Variants in AK9 observed in about 807,000 individuals in gnomAD.
The protein encoded by AK9 is adenylate kinase domain containing 1.
Under a neutral mutation model 239.6 loss-of-function variants are expected in AK9, and 191 were observed. That is an observed-to-expected ratio of 0.80 (90% CI 0.71 to 0.90). AK9 has a LOEUF of 0.90. Among genes scored for constraint, AK9 ranks in the 40% least tolerant of loss-of-function variants. The pLI is 0.00. For synonymous variants in AK9, 689 were observed against 721.0 expected, an observed-to-expected ratio of 0.96 and a Z score of 0.71; for missense variants, 1,995 against 2,214.7, an observed-to-expected ratio of 0.90 and a Z score of 1.99.
intron 6 of AK9, chr6:109,660,962 T>C (rs534260419): frequency 3.9e-6 from 2 of 507,706 alleles, no homozygotes; most frequent in African/African-American, 1.9e-5. Flanking sequence ...TAGAACATGA[T>C]GAAAGCCATA....
intron 17 of AK9, among the ~76,000 whole-genome samples, chr6:109,597,182 T>C (rs1198669714): frequency 1.3e-5 from 2 of 152,204 alleles, no homozygotes; most frequent in South Asian, 2.1e-4. Flanking sequence ...GTAAACATTT[T>C]AAAGTCTTTT....
chr6:109,528,234 C>T, intron 29 of AK9: 1 of 333,816 alleles, frequency 3.0e-6, no homozygotes, highest in Non-Finnish European at 5.9e-6. Context: ...GTTAACTGTA[C>T]TTAATTCCAG....
intron 24 of AK9, among the ~76,000 whole-genome samples, chr6:109,552,470 T>G (rs1784485636): frequency 1.3e-5 from 2 of 152,250 alleles, no homozygotes; most frequent in Admixed American, 6.5e-5. Flanking sequence ...TGTTGAGCTT[T>G]TTTCATGTTT....
chr6:109,683,911 G>T (rs1470506066), intron 1 of AK9, among the ~76,000 whole-genome samples: 2 of 152,078 alleles, frequency 1.3e-5, no homozygotes, highest in African/African-American at 4.8e-5. Context: ...TAAACTTCAT[G>T]TGGAACCAAA....
In AK9 at chr6:109,534,080, T is replaced by C. The variant is rs9487137; in HGVS notation, c.3351-610A>G. Among the ~76,000 whole-genome samples the C allele has an allele frequency of 5.6e-3, 856 of 152,170 alleles. 9 individuals are homozygous for C. Among genetic ancestry groups the C allele is most frequent in the African/African-American group, 0.02 (826 of 41,534 alleles). On this transcript the variant is annotated intron_variant, in intron 27 of 40. Coordinates refer to ENST00000424296, the MANE Select transcript of AK9 (RefSeq NM_001145128.3). ...CCTTGTAACTGATGACAATTGTTAATGTATGTATCCTGGTTCCTATGGGCA... is the reference window on the plus strand; with the variant it reads ...CCTTGTAACTGATGACAATTGTTAACGTATGTATCCTGGTTCCTATGGGCA...
chr6:109,613,909 T>G (rs1287754604), intron 15 of AK9, among the ~76,000 whole-genome samples: 1 of 152,118 alleles, frequency 6.6e-6, no homozygotes, highest in Non-Finnish European at 1.5e-5. Context: ...ATTTATGATA[T>G]GATAATGATT....
At chr6:109,605,450 A>AT (rs1792716293) in intron 17 of AK9, among the ~76,000 whole-genome samples, 1 of 151,668 alleles carries the variant, frequency 6.6e-6, no homozygotes, top group South Asian at 2.1e-4. Context: ...TTTTTTTTTC[A>AT]TCCCCACTCT....
At chr6:109,641,026 T>C (rs2128286439) in intron 10 of AK9, among the ~76,000 whole-genome samples, 1 of 151,986 alleles carries the variant, frequency 6.6e-6, no homozygotes, top group Non-Finnish European at 1.5e-5. Flanking sequence ...AAAACTTGTG[T>C]TGTGTCTAAT....
intron 1 of AK9, among the ~76,000 whole-genome samples, chr6:109,684,912 A>AAAAAAAT (rs1183838812): frequency 1.5e-5 from 2 of 136,498 alleles, no homozygotes; most frequent in Non-Finnish European, 3.2e-5. Flanking sequence ...AAAAAAAAAA[A>AAAAAAAT]GTAGGCAAAG....
intron 35 of AK9, among the ~76,000 whole-genome samples, chr6:109,502,381 C>T (rs1001450132): frequency 1.2e-4 from 19 of 152,254 alleles, no homozygotes; most frequent in African/African-American, 4.3e-4. Context: ...AAGACACACA[C>T]ATGGAGAACG....
chr6:109,572,631 A>T, intron 21 of AK9, among the ~76,000 whole-genome samples: 1 of 152,194 alleles, frequency 6.6e-6, no homozygotes, highest in East Asian at 1.9e-4. Context: ...TGAGCTGTGA[A>T]ATATGAATTG....
At chr6:109,592,095 T>C (rs879343740) in intron 17 of AK9, among the ~76,000 whole-genome samples, 2 of 149,528 alleles carry the variant, frequency 1.3e-5, no homozygotes, top group Non-Finnish European at 3.0e-5. Context: ...GAGACTGATG[T>C]TAACATCACG....
In AK9 at chr6:109,533,393, G is replaced by A. The variant is rs1390965254; in HGVS notation, c.3428C>T (p.Pro1143Leu). 6.2e-7 allele frequency: 1 copy of A among 1,609,784 alleles called. No homozygotes were observed. Among genetic ancestry groups the A allele is most frequent in the Admixed American group, 1.7e-5 (1 of 59,340 alleles). ...AQFLGDRGFF[P>L]DAAVFIQVDD... ...AACTTGTATAAAAACAGCTGCATCT[G>A]GGAAAAATCCACGATCTCCCAAAAA... is the stretch of plus-strand genomic sequence containing the variant. Residue 1143 changes from proline (P) to leucine (L), a missense_variant, in exon 28 of 41, where the codon CCA becomes CTA. Around this residue, in one of 5 missense-constraint regions of AK9, gnomAD observed 1,290 missense variants for 1,392.7 expected, o/e 0.93. Coordinates refer to ENST00000424296, the MANE Select transcript of AK9 (RefSeq NM_001145128.3).
intron 35 of AK9, among the ~76,000 whole-genome samples, chr6:109,505,861 G>A (rs923985014): frequency 1.1e-4 from 17 of 152,086 alleles, no homozygotes; most frequent in Non-Finnish European, 1.9e-4. Flanking sequence ...AATAAACAAC[G>A]GAGATTTATT....
At chr6:109,585,821 TCTAGGA>T in intron 18 of AK9, 89 bp downstream of exon 18, 1 of 1,202,484 alleles carries the variant, frequency 8.3e-7, no homozygotes, top group Non-Finnish European at 1.1e-6. Context: ...GGTATTTCTA[TCTAGGA>T]AGAGTGGAGA....
chr6:109,561,203 C>T (rs1009856902), intron 24 of AK9, among the ~76,000 whole-genome samples: 2 of 152,240 alleles, frequency 1.3e-5, no homozygotes, highest in Non-Finnish European at 2.9e-5. Flanking sequence ...CCGCCTGCCT[C>T]GGCTTCCCAA....
Position 109,550,208 on chromosome 6 carries a change from C to G in AK9, c.2846G>C (p.Gly949Ala). 6.2e-7 allele frequency: 1 copy of G among 1,613,790 alleles called. No individual in the cohort carries two copies. The highest frequency in any genetic ancestry group is 8.5e-7 in the Non-Finnish European group (1 of 1,180,014). Residue 949 changes from glycine to alanine, a missense_variant, in exon 25 of 41, where the codon GGA (glycine) becomes GCA (alanine). This residue lies in a region of AK9 where 1,290 missense variants were observed against 1,392.7 expected (regional missense o/e 0.93). Transcript: ENST00000424296. ...VLKENFILQP[G>A]NTEEAAKYRE... ...ATACTTGGCTGCTTCTTCTGTGTTT[C>G]CTGGTTGCAGGATGAAGTTTTCTTT...
At chr6:109,679,864 CCTGA>C (rs1772360979) in intron 1 of AK9, among the ~76,000 whole-genome samples, 1 of 152,104 alleles carries the variant, frequency 6.6e-6, no homozygotes, top group South Asian at 2.1e-4. Flanking sequence ...AGCAGAGGGA[CCTGA>C]CTGTTAGAAG....
intron 12 of AK9, among the ~76,000 whole-genome samples, chr6:109,624,870 TTTCTA>T (rs1348935337): frequency 1.3e-5 from 2 of 152,122 alleles, no homozygotes; most frequent in African/African-American, 2.4e-5. Context: ...TTTCTTTTCT[TTTCTA>T]TTCTTTTTTC....
Sources: gnomAD v4.1 joint callset for allele counts (sites outside exome capture counted in the v4.1 genomes callset) on GRCh38, gnomAD v4.1.1 for gene constraint, gnomAD v4.1.1 regional missense constraint, MANE v1.5 for transcripts, NCBI Gene and HGNC (gene_info 2026-07-23, HGNC 2026-07-21) for gene names.